RCC1: variants seen among roughly 807,000 people sequenced by gnomAD.
The protein encoded by RCC1 is regulator of chromosome condensation.
Under a neutral mutation model 44.4 loss-of-function variants are expected in RCC1, and 11 were observed. The observed-to-expected ratio is 0.25, with a 90% CI of 0.16 to 0.41. The LOEUF (loss-of-function observed/expected upper bound fraction) is 0.41. Ranked by LOEUF, RCC1 falls within the 10% of genes least tolerant of loss-of-function variation. The pLI, the probability that RCC1 is intolerant of heterozygous loss-of-function variation, is 1.00. For missense variants in RCC1, 386 were observed against 547.1 expected (o/e 0.71, Z 2.94); for synonymous variants, 213 against 216.5 (o/e 0.98, Z 0.14).
chr1:28,510,684 A>G (rs1662468910), intron 3 of RCC1: 1 of 152,240 alleles, frequency 6.6e-6, no homozygotes, highest in Non-Finnish European at 1.5e-5. Context: ...GGGCTTTAAT[A>G]CAGCATATTC....
At chr1:28,519,989 A>G (rs1663169747) in intron 4 of RCC1, among the ~76,000 whole-genome samples, 2 of 151,436 alleles carry the variant, frequency 1.3e-5, no homozygotes, top group Non-Finnish European at 2.9e-5. Context: ...CTCCTGTCTC[A>G]GCCTCCCGAA....
chr1:28,507,292 A>AT, intron 1 of RCC1: 1 of 496,664 alleles, frequency 2.0e-6, no homozygotes, highest in Non-Finnish European at 4.1e-6. Context: ...TTTCTTGTTT[A>AT]AGATCTGTAG....
rs1161887609 is a variant in RCC1 at position 28,508,792 on chromosome 1, G to C, written c.-228-38G>C. On this transcript the variant is annotated intron_variant, in intron 2 of 12. Transcript: ENST00000683442. ...TATACTAGATTTTAAGTTGAAGTAG[G>C]ATCTTCAGGAGTCTAATCATTATTT... is the stretch of plus-strand genomic sequence containing the variant. 1.5e-5 allele frequency: 8 copies of C among 518,428 alleles called. No homozygotes were observed. The Admixed American group carries it at 1.6e-4, about 10-fold the overall frequency. The allele number at this position is 518,428 out of a possible 1,614,324, so 32.1% of individuals were successfully genotyped here.
intron 1 of RCC1, chr1:28,506,467 G>A (rs567006023): frequency 1.6e-5 from 5 of 321,732 alleles, no homozygotes; most frequent in Admixed American, 4.3e-5. Flanking sequence ...TTACAGGCGT[G>A]AGCCACCGCG....
intron 9 of RCC1, 44 bp from the exon 10 acceptor site, chr1:28,535,827 G>A (rs1345636761): frequency 6.3e-7 from 1 of 1,587,606 alleles, no homozygotes. Flanking sequence ...GAGAAGCCAT[G>A]TGTGTCTGTC....
chr1:28,527,160 C>T, intron 4 of RCC1: 1 of 1,263,714 alleles, frequency 7.9e-7, no homozygotes, highest in Non-Finnish European at 1.1e-6. Flanking sequence ...GGCAGAAATG[C>T]CCCCAAGGAA....
In RCC1 at chr1:28,516,744, C is replaced by G; in HGVS notation, c.-133C>G. On this transcript the variant is annotated 5_prime_UTR_variant, in exon 4 of 13. In the 5' UTR this introduces an upstream ATG that the reference lacks. Transcript: ENST00000683442. The stretch of plus-strand genomic sequence containing the variant: ...ATGAAGCTACATGAATGTGTAAGAT[C>G]TTGGAGGAAGACAGCAGAGAGAGAG... 2 of 436,126 alleles carry G rather than the reference C, an allele frequency of 4.6e-6. No homozygotes were observed. Among genetic ancestry groups the G allele is most frequent in the South Asian group, 3.3e-5 (2 of 60,810 alleles). The allele number at this position is 436,126 out of a possible 1,614,324, so 27.0% of individuals were successfully genotyped here. A position where few individuals can be genotyped will look rare whatever the true frequency, so the allele number is the denominator to read the frequency against.
At chr1:28,508,303 A>G (rs1398334401) in intron 2 of RCC1, 143 bp downstream of exon 2, 2 of 353,292 alleles carry the variant, frequency 5.7e-6, no homozygotes, top group African/African-American at 2.1e-5. Context: ...CAATAGCCAA[A>G]TATCGACTTT....
At chr1:28,537,808 T>C (rs1185497869) in intron 12 of RCC1, 24 bp from the exon 13 acceptor site, 8 of 1,602,584 alleles carry the variant, frequency 5.0e-6, no homozygotes. Flanking sequence ...TGGAGACAGC[T>C]GTACCCATTT....
At position 28,511,237 on chromosome 1, in the gene RCC1, A is replaced by G. The variant is rs114603912; in HGVS notation, c.-153+2332A>G. 3.8e-3 allele frequency among the ~76,000 whole-genome samples: 584 copies of G among 152,284 alleles called. 6 individuals carry two copies. The highest frequency in any genetic ancestry group is 0.013 in the African/African-American group (558 of 41,552). ...GCCTCAATTTCATGTTCACAAAATA[A>G]GTGATAAACTACCTCATAGAGTTGT... On this transcript the variant is annotated intron_variant, in intron 3 of 12. Coordinates refer to ENST00000683442, the MANE Select transcript of RCC1 (RefSeq NM_001381865.2).
In RCC1 at chr1:28,538,028, C is replaced by T; in HGVS notation, c.*21C>T. ...GCTGATGAAGCCTCTGAGGGCCTGG[C>T]TTCTGTCCTGCACAACCTCCCTCAC... On this transcript the variant is annotated 3_prime_UTR_variant, in exon 13 of 13. Coordinates refer to ENST00000683442, the MANE Select transcript of RCC1 (RefSeq NM_001381865.2). The T allele has an allele frequency of 1.2e-6, 2 of 1,605,426 alleles. No individual in the cohort carries two copies. Among genetic ancestry groups the T allele is most frequent in the Non-Finnish European group, 8.5e-7 (1 of 1,175,812 alleles).
At chr1:28,530,039 T>A in intron 5 of RCC1, 100 bp downstream of exon 5, 1 of 918,880 alleles carries the variant, frequency 1.1e-6, no homozygotes, top group African/African-American at 1.7e-5. Flanking sequence ...AGCTGAAGGG[T>A]GTGGATGTGC....
intron 4 of RCC1, among the ~76,000 whole-genome samples, chr1:28,529,071 C>T (rs1663913720): frequency 1.4e-5 from 2 of 143,174 alleles, no homozygotes; most frequent in African/African-American, 2.6e-5. Flanking sequence ...GACGGGGTTT[C>T]ACCATGTTGG....
chr1:28,536,282 T>G lies in RCC1; in HGVS notation c.838T>G (p.Cys280Gly). ...CCCAGGAACTCCGGGCACAGAATCT[T>G]GCTTCATACCCCAGAACCTAACATC... ...HQLGTPGTES[C>G]FIPQNLTSFK... is the part of the protein sequence containing the mutation. The change falls in exon 11 of 13, where the codon TGC (cysteine) becomes GGC (glycine). Residue 280 changes from cysteine (C) to glycine (G), a missense_variant. Physicochemically the swap from Cys to Gly is radical, Grantham distance 159 (BLOSUM62 -3). Transcript: ENST00000683442. This position sits in a 1 kb window ranked among gnomAD's most constrained non-coding sequence, Gnocchi z 4.9. The G allele has an allele frequency of 6.2e-7, 1 of 1,614,122 alleles. No homozygotes were observed. The highest frequency in any genetic ancestry group is 1.1e-5 in the South Asian group (1 of 91,082).
chr1:28,511,851 G>T (rs1192450183), intron 3 of RCC1, among the ~76,000 whole-genome samples: 1 of 150,758 alleles, frequency 6.6e-6, no homozygotes, highest in South Asian at 2.1e-4. Context: ...TTTTAGTAGA[G>T]ACGGGTTTCA....
rs892967573 is a variant in RCC1, at chr1:28,508,905, G to T, written c.-153G>T. The T allele has an allele frequency of 1.4e-5, 7 of 512,678 alleles. No homozygotes were observed. The highest frequency in any genetic ancestry group is 2.3e-5 in the Non-Finnish European group (6 of 258,486). 31.8% of individuals were successfully genotyped at this position (512,678 alleles called of 1,614,324 possible). ...GGTCCTTTATATAGAAGGGAGAGTA[G>T]GTAAACTGATTTTTTTTTTTAACAG... On this transcript the variant is annotated splice_region_variant and 5_prime_UTR_variant, in exon 3 of 13. Transcript: ENST00000683442.
At chr1:28,531,748 C>T in intron 5 of RCC1, 55 bp from the exon 6 acceptor site, 1 of 1,425,684 alleles carries the variant, frequency 7.0e-7, no homozygotes, top group South Asian at 1.6e-5. Flanking sequence ...AGCCTGTGAC[C>T]TCTCCTCGCT....
chr1:28,525,824 G>A (rs1035959020), intron 4 of RCC1, among the ~76,000 whole-genome samples: 12 of 152,126 alleles, frequency 7.9e-5, no homozygotes, highest in Non-Finnish European at 1.8e-4. Context: ...ACCATGGAGG[G>A]GAGAGCTAGA....
chr1:28,531,827 A>G lies in RCC1; in HGVS notation c.98A>G (p.Glu33Gly). ...GTCTCACACAGGTCCCACAGCACAGAACCCGGCTTGGTGCTGACACTAGGC... is the reference window on the plus strand; with the variant it reads ...GTCTCACACAGGTCCCACAGCACAGGACCCGGCTTGGTGCTGACACTAGGC... ...VKVSHRSHST[E>G]PGLVLTLGQG... Residue 33 changes from glutamate to glycine, a missense_variant, in exon 6 of 13, where the codon GAA (glutamate) becomes GGA (glycine). Physicochemically the swap from Glu to Gly is moderately conservative, Grantham distance 98 (BLOSUM62 -2). Coordinates refer to ENST00000683442, the MANE Select transcript of RCC1 (RefSeq NM_001381865.2). 6.4e-7 allele frequency: 1 copy of G among 1,561,796 alleles called. No homozygotes were observed. The highest frequency in any genetic ancestry group is 8.6e-7 in the Non-Finnish European group (1 of 1,158,108).
Sources: gnomAD v4.1 joint callset for allele counts (sites outside exome capture counted in the v4.1 genomes callset) on GRCh38, gnomAD v4.1.1 for gene constraint, Gnocchi (gnomAD v3.1) non-coding constraint, MANE v1.5 for transcripts, NCBI Gene and HGNC (gene_info 2026-07-23, HGNC 2026-07-21) for gene names.